Variants in PEBP4 observed in about 807,000 individuals in gnomAD.
The protein encoded by PEBP4 is phosphatidylethanolamine binding protein 4, also known as phosphatidylethanolamine-binding protein 4.
In PEBP4, 22 loss-of-function variants were observed where a neutral mutation model predicts 23.9. The ratio of observed to expected loss-of-function variants is 0.92; its 90% CI spans 0.66 to 1.31. The LOEUF is 1.31. PEBP4 is among the 40% of genes most tolerant of loss of function. The pLI, the probability that PEBP4 is intolerant of heterozygous loss-of-function variation, is 0.00. For synonymous variants in PEBP4, 112 were observed against 99.3 expected (o/e 1.13, Z -0.76); for missense variants, 324 against 281.7 (o/e 1.15, Z -1.07).
At chr8:22,921,473 C>T (rs1014036557) in intron 2 of PEBP4, among the ~76,000 whole-genome samples, 18 of 152,212 alleles carry the variant, frequency 1.2e-4, no homozygotes, top group African/African-American at 3.9e-4. Context: ...GGGAGTAGGC[C>T]AAGAGCAGCT....
chr8:22,749,682 T>C (rs886946807), intron 4 of PEBP4, among the ~76,000 whole-genome samples: 1 of 152,124 alleles, frequency 6.6e-6, no homozygotes, highest in Non-Finnish European at 1.5e-5. Flanking sequence ...CAGCCACCCT[T>C]TAGCCAGGTC....
chr8:22,810,631 C>T (rs929461346), intron 4 of PEBP4, among the ~76,000 whole-genome samples: 4 of 147,862 alleles, frequency 2.7e-5, no homozygotes, highest in Admixed American at 6.8e-5. Context: ...GTTGGGTGAG[C>T]GAGACTGTGC....
chr8:22,897,856 T>A (rs1488407117), intron 3 of PEBP4: 1 of 152,232 alleles, frequency 6.6e-6, no homozygotes, highest in East Asian at 1.9e-4. Flanking sequence ...GTGATGGTAT[T>A]TGGAGGTGGG....
rs530441818 is a variant in PEBP4 at position 22,869,809 on chromosome 8, G to T, written c.258+50375C>A. 2.0e-5 allele frequency among the ~76,000 whole-genome samples: 3 copies of T among 152,296 alleles called. No individual in the cohort carries two copies. The East Asian group carries it at 5.8e-4, about 29-fold the overall frequency. On this transcript the variant is annotated intron_variant, in intron 3 of 6. Transcript: ENST00000256404. ...GTCCCAAAGAAGCATATGAAAAGGT[G>T]CTCATGATATGTCACTAGTGAATTG...
At chr8:22,789,651 TC>T (rs1806097458) in intron 4 of PEBP4, among the ~76,000 whole-genome samples, 1 of 152,070 alleles carries the variant, frequency 6.6e-6, no homozygotes, top group South Asian at 2.1e-4. Context: ...AGCATGGGGG[TC>T]CTTTGCGAGC....
chr8:22,747,225 A>G (rs1805140940), intron 4 of PEBP4, among the ~76,000 whole-genome samples: 1 of 152,254 alleles, frequency 6.6e-6, no homozygotes, highest in South Asian at 2.1e-4. Context: ...CTTAGTGACT[A>G]CCATAGTGGA....
chr8:22,936,003 C>T (rs564192550), intron 1 of PEBP4, among the ~76,000 whole-genome samples: 14 of 147,530 alleles, frequency 9.5e-5, no homozygotes, highest in African/African-American at 3.0e-4. Context: ...TAAATTTACA[C>T]CTTAAGGAGC....
chr8:22,883,569 A>C (rs932760518), intron 3 of PEBP4, among the ~76,000 whole-genome samples: 52 of 151,922 alleles, frequency 3.4e-4, no homozygotes, highest in African/African-American at 1.2e-3. Flanking sequence ...CGACAGAAAA[A>C]TTTGCTCCTG....
chr8:22,794,192 C>T (rs1179008378), intron 4 of PEBP4, among the ~76,000 whole-genome samples: 2 of 152,164 alleles, frequency 1.3e-5, no homozygotes, highest in Non-Finnish European at 2.9e-5. Context: ...TAAATAACAG[C>T]GAACATTTAT....
chr8:22,804,387 G>A (rs1806451152), intron 4 of PEBP4, among the ~76,000 whole-genome samples: 1 of 152,164 alleles, frequency 6.6e-6, no homozygotes, highest in Non-Finnish European at 1.5e-5. Flanking sequence ...TCCTCCCACA[G>A]TCTGTGTGCC....
intron 3 of PEBP4, among the ~76,000 whole-genome samples, chr8:22,904,790 C>G (rs1167911858): frequency 6.6e-6 from 1 of 152,192 alleles, no homozygotes; most frequent in African/African-American, 2.4e-5. Flanking sequence ...CTTCCAACAG[C>G]CTTAAATATT....
intron 3 of PEBP4, among the ~76,000 whole-genome samples, chr8:22,871,579 C>T (rs374943820): frequency 5.4e-4 from 74 of 138,000 alleles, no homozygotes; most frequent in African/African-American, 1.9e-3. Flanking sequence ...TTTTTAAGAC[C>T]GAGTCTCACT....
intron 2 of PEBP4, among the ~76,000 whole-genome samples, chr8:22,922,749 GA>G (rs1320849943): frequency 6.6e-6 from 1 of 152,010 alleles, no homozygotes; most frequent in African/African-American, 2.4e-5. Flanking sequence ...ATTCAAGCCA[GA>G]AAACCTCAAA....
intron 4 of PEBP4, among the ~76,000 whole-genome samples, chr8:22,731,514 T>C (rs1804730332): frequency 6.6e-6 from 1 of 152,248 alleles, no homozygotes; most frequent in Non-Finnish European, 1.5e-5. Context: ...GTTATTGGCT[T>C]CCCGTCAACA....
rs111233366 is a variant in PEBP4 at position 22,718,058 on chromosome 8, C to T, written c.518-4522G>A. Among the ~76,000 whole-genome samples, 1,231 of 152,208 alleles carry T rather than the reference C, an allele frequency of 8.1e-3. 17 individuals carry two copies. The highest frequency in any genetic ancestry group is 0.028 in the African/African-American group (1,168 of 41,516). On this transcript the variant is annotated intron_variant, in intron 6 of 6. Transcript: ENST00000256404. ...CTCGTTCCATCACATCCAATTACTC[C>T]GGGAGGAGATTTGCTGAGTGGCTGA... is the stretch of plus-strand genomic sequence containing the variant.
Position 22,905,194 on chromosome 8 carries a change from A to T in PEBP4, c.258+14990T>A, listed in dbSNP as rs181462589. Among the ~76,000 whole-genome samples, 165 of 152,214 alleles carry T rather than the reference A, an allele frequency of 1.1e-3. 1 individual carries two copies. The highest frequency in any genetic ancestry group is 3.8e-3 in the African/African-American group (156 of 41,544). ...GTTATATACTATTTTCTAAAATCAC[A>T]TTTTTTATATTGTAAATGGAATGGA... On this transcript the variant is annotated intron_variant, in intron 3 of 6. Transcript: ENST00000256404.
At chr8:22,914,095 C>T (rs565320074) in intron 3 of PEBP4, among the ~76,000 whole-genome samples, 1 of 150,130 alleles carries the variant, frequency 6.7e-6, no homozygotes, top group South Asian at 2.1e-4. Flanking sequence ...TCAAGTGATT[C>T]TCCTATCTCA....
intron 4 of PEBP4, among the ~76,000 whole-genome samples, chr8:22,814,897 G>T (rs947874860): frequency 7.9e-5 from 12 of 151,952 alleles, no homozygotes; most frequent in Non-Finnish European, 1.5e-4. Context: ...GGGGGGTGGT[G>T]GAGGGAACCA....
At chr8:22,788,376 C>G (rs1178483106) in intron 4 of PEBP4, among the ~76,000 whole-genome samples, 2 of 152,144 alleles carry the variant, frequency 1.3e-5, no homozygotes, top group African/African-American at 4.8e-5. Context: ...GCAGCCTGCT[C>G]TTAGGCGGAA....
Sources: gnomAD v4.1 joint callset for allele counts (sites outside exome capture counted in the v4.1 genomes callset) on GRCh38, gnomAD v4.1.1 for gene constraint, MANE v1.5 for transcripts, NCBI Gene and HGNC (gene_info 2026-07-23, HGNC 2026-07-21) for gene names.